The following DNAH17 variants were observed in gnomAD, a reference collection of about 807,000 sequenced individuals.
DNAH17 encodes the protein axonemal beta dynein heavy chain 17.
DNAH17 carries 376 observed loss-of-function variants against 485.6 expected under a neutral mutation model. The ratio of observed to expected loss-of-function variants is 0.77; its 90% CI spans 0.71 to 0.84. The LOEUF (loss-of-function observed/expected upper bound fraction) is 0.84. Among genes scored for constraint, DNAH17 ranks in the 40% least tolerant of loss-of-function variants. The pLI, the probability that DNAH17 is intolerant of heterozygous loss-of-function variation, is 0.00. For synonymous variants in DNAH17, 3,031 were observed against 2,405.9 expected, an observed-to-expected ratio of 1.26 and a Z score of -7.60; for missense variants, 6,370 against 5,839.3, an observed-to-expected ratio of 1.09 and a Z score of -2.96.
chr17:78,529,051 C>T (rs1308691598), intron 22 of DNAH17, among the ~76,000 whole-genome samples: 1 of 151,668 alleles, frequency 6.6e-6, no homozygotes, highest in Non-Finnish European at 1.5e-5. Context: ...TCAAGCAATT[C>T]TCCTGCCTCA....
At chr17:78,554,352 G>C (rs115727505) in intron 14 of DNAH17, among the ~76,000 whole-genome samples, 16,165 of 141,066 alleles carry the variant, frequency 0.11, 1,037 homozygotes, top group South Asian at 0.18. Context: ...TGCGAGAATC[G>C]CTTGAACCCA....
chr17:78,575,569 TCA>T (rs1973236745), intron 1 of DNAH17, among the ~76,000 whole-genome samples: 1 of 152,166 alleles, frequency 6.6e-6, no homozygotes. Context: ...GGCTCAGCGC[TCA>T]GTCTTAGCCG....
At chr17:78,503,650 C>A (rs2146727597) in intron 31 of DNAH17, among the ~76,000 whole-genome samples, 1 of 151,672 alleles carries the variant, frequency 6.6e-6, no homozygotes, top group Admixed American at 6.6e-5. Flanking sequence ...CCACACCCGG[C>A]TAATCAAAGA....
chr17:78,503,695 G>A (rs985011892), intron 31 of DNAH17, among the ~76,000 whole-genome samples: 2 of 151,998 alleles, frequency 1.3e-5, no homozygotes, highest in Non-Finnish European at 2.9e-5. Flanking sequence ...TCCAGGCGCA[G>A]TGGCTCATGT....
At chr17:78,510,909 G>A (rs1394182448) in intron 26 of DNAH17, among the ~76,000 whole-genome samples, 1 of 152,232 alleles carries the variant, frequency 6.6e-6, no homozygotes, top group Non-Finnish European at 1.5e-5. Context: ...GGAAGGAGAG[G>A]GACATCTGAG....
rs771048448 is a variant in DNAH17, at chr17:78,475,807, G to A, written c.8181C>T (p.Ala2727=). 2.5e-6 allele frequency: 4 copies of A among 1,613,198 alleles called. No individual in the cohort carries two copies. The highest frequency in any genetic ancestry group is 2.7e-5 in the African/African-American group (2 of 74,840). The change falls in exon 53 of 81, where the codon GCC becomes GCT. Residue 2727 remains alanine, a synonymous_variant. Transcript: ENST00000389840. ...FDDLGDELLF[A]KPNIFCHFAQ... ...CAAAGTGGCAGAAGATATTTGGCTT[G>A]GCAAATAAGAGTTCATCACCAAGAT...
chr17:78,477,927 CCAT>C (rs1290227704), intron 51 of DNAH17, among the ~76,000 whole-genome samples: 236 of 149,294 alleles, frequency 1.6e-3, no homozygotes, highest in African/African-American at 5.6e-3. Context: ...ACCATCACCA[CCAT>C]CATCACCACC....
At chr17:78,528,948 G>GCA (rs2091151860) in intron 22 of DNAH17, among the ~76,000 whole-genome samples, 1 of 110,450 alleles carries the variant, frequency 9.1e-6, no homozygotes, top group Admixed American at 9.5e-5. Flanking sequence ...AAGGCATTTT[G>GCA]TATTTTTTTT....
intron 69 of DNAH17, among the ~76,000 whole-genome samples, chr17:78,446,114 C>T (rs896271085): frequency 4.1e-5 from 5 of 121,354 alleles, no homozygotes; most frequent in Non-Finnish European, 6.3e-5. Flanking sequence ...GCAGAGGTTA[C>T]AGTAAGCCGA....
At chr17:78,563,059 G>C (rs1037265668) in intron 11 of DNAH17, among the ~76,000 whole-genome samples, 1 of 152,334 alleles carries the variant, frequency 6.6e-6, no homozygotes, top group South Asian at 2.1e-4. Context: ...AATGGCCACA[G>C]GAGGAAAAAC....
Position 78,486,174 on chromosome 17 carries a change from A to G in DNAH17, c.7102-41T>C, listed in dbSNP as rs691142. 0.74 allele frequency: 1,187,203 copies of G among 1,599,440 alleles called. 442,314 individuals carry two copies. The highest frequency in any genetic ancestry group is 0.87 in the African/African-American group (64,682 of 74,670). On this transcript the variant is annotated intron_variant, in intron 45 of 80. Transcript: ENST00000389840. ...AGTAAAAATCAGGGCCCAGCTAAGC[A>G]GGATGCTGAGAGACCCTGTGTGGGT...
rs2086395064 is a variant in DNAH17, at chr17:78,425,335, GC to G, written c.13141+10del. ...TGGAAGCTTCTGCAGACAGACAAGA[GC>G]CCTCCTTACCTTCCATGAAGAGTCC... On this transcript the variant is annotated intron_variant, in intron 80 of 80. Transcript: ENST00000389840. 1.2e-6 allele frequency: 2 copies of G among 1,611,446 alleles called. No individual in the cohort carries two copies. The highest frequency in any genetic ancestry group is 2.7e-5 in the African/African-American group (2 of 74,974).
In DNAH17 at chr17:78,449,469, G is replaced by A; in HGVS notation, c.11156C>T (p.Ala3719Val). 6.4e-7 allele frequency: 1 copy of A among 1,559,810 alleles called. No homozygotes were observed. Among genetic ancestry groups the A allele is most frequent in the Non-Finnish European group, 8.7e-7 (1 of 1,151,560 alleles). ...EITYSVYMYTARGLFERDKLI... is the reference protein window; with the variant it reads ...EITYSVYMYTVRGLFERDKLI... Reference sequence around the variant, plus strand: ...TTTGTCCCTCTCGAAGAGTCCCCGGGCCGTGTACATGTAGACGGAGTAGGT... The same window carrying A: ...TTTGTCCCTCTCGAAGAGTCCCCGGACCGTGTACATGTAGACGGAGTAGGT... The change falls in exon 69 of 81, where the codon GCC becomes GTC. Residue 3719 changes from alanine to valine, a missense_variant. Transcript: ENST00000389840.
chr17:78,569,581 C>A, intron 7 of DNAH17, 54 bp from the exon 8 acceptor site: 1 of 1,554,918 alleles, frequency 6.4e-7, no homozygotes, highest in Non-Finnish European at 8.7e-7. Flanking sequence ...TTTGGGGTGA[C>A]GTCCAGGCAC....
At chr17:78,453,860 T>G (rs75374159) in intron 64 of DNAH17, among the ~76,000 whole-genome samples, 3,743 of 151,948 alleles carry the variant, frequency 0.025, 166 homozygotes, top group African/African-American at 0.085. Context: ...ACTAGGTTTT[T>G]TTTGTTTGTT....
intron 5 of DNAH17, 93 bp from the exon 6 acceptor site, chr17:78,571,126 T>G: frequency 7.5e-7 from 1 of 1,326,334 alleles, no homozygotes; most frequent in Non-Finnish European, 1.1e-6. Context: ...GACCTGCTCC[T>G]TCAGGAAATG....
intron 19 of DNAH17, among the ~76,000 whole-genome samples, chr17:78,534,110 C>T (rs996345018): frequency 5.3e-5 from 8 of 152,250 alleles, no homozygotes; most frequent in Admixed American, 6.5e-5. Context: ...CATATGCAAA[C>T]CAGCCGACCC....
In DNAH17 at chr17:78,507,525, G is replaced by A. The variant is rs368704221; in HGVS notation, c.4517C>T (p.Ser1506Phe). 2.5e-6 allele frequency: 4 copies of A among 1,614,010 alleles called. No homozygotes were observed. Among genetic ancestry groups the A allele is most frequent in the Non-Finnish European group, 3.4e-6 (4 of 1,179,872 alleles). The change falls in exon 28 of 81, where the codon TCC becomes TTC. Residue 1506 changes from serine (S) to phenylalanine (F), a missense_variant. Transcript: ENST00000389840. ...WSHLESIFIGSEDIRTQLPGD... is the reference protein window; with the variant it reads ...WSHLESIFIGFEDIRTQLPGD... Reference sequence around the variant, plus strand: ...CGGGAGCTGGGTGCGGATGTCTTCGGAGCCGATGAAGATGCTCTCCAGGTG... The same window carrying A: ...CGGGAGCTGGGTGCGGATGTCTTCGAAGCCGATGAAGATGCTCTCCAGGTG...
intron 74 of DNAH17, among the ~76,000 whole-genome samples, chr17:78,436,839 C>T (rs2086863390): frequency 1.0e-5 from 1 of 98,044 alleles, no homozygotes; most frequent in South Asian, 4.1e-4. Context: ...AGTGAGACTC[C>T]ATCTCCAAAC....
Sources: gnomAD v4.1 joint callset for allele counts (sites outside exome capture counted in the v4.1 genomes callset) on GRCh38, gnomAD v4.1.1 for gene constraint, MANE v1.5 for transcripts, NCBI Gene and HGNC (gene_info 2026-07-23, HGNC 2026-07-21) for gene names.